CIRSR: variants seen among roughly 807,000 people sequenced by gnomAD.
CIRSR encodes CBF1 (RBPJ) interacting corepressor 1.
chr2:174,376,028 T>G, the CIRSR span, among the ~76,000 whole-genome samples: 2 of 151,940 alleles, frequency 1.3e-5, no homozygotes, highest in Admixed American at 1.3e-4. Context: ...CAGCTAGAAT[T>G]TTTTGTATTT....
chr2:174,349,970 T>C, the CIRSR span, among the ~76,000 whole-genome samples: 4 of 152,198 alleles, frequency 2.6e-5, no homozygotes, highest in Non-Finnish European at 4.4e-5. Context: ...CACATTAAAC[T>C]TCTGAAATAT....
At chr2:174,353,892 C>G in the CIRSR span, among the ~76,000 whole-genome samples, 1 of 151,880 alleles carries the variant, frequency 6.6e-6, no homozygotes, top group African/African-American at 2.4e-5. Context: ...ATTTCCTTGT[C>G]AACAATTTTA....
At chr2:174,376,801 GAAAAA>G in the CIRSR span, among the ~76,000 whole-genome samples, 1 of 106,938 alleles carries the variant, frequency 9.4e-6, no homozygotes, top group Non-Finnish European at 1.9e-5. Context: ...CTGTCTCAGG[GAAAAA>G]AAAAAAAAAA....
At chr2:174,356,919 AT>A in the CIRSR span, among the ~76,000 whole-genome samples, 47 of 152,076 alleles carry the variant, frequency 3.1e-4, 1 homozygote, top group Middle Eastern at 0.01. Flanking sequence ...TTCCAAATTT[AT>A]TTTTTTCATA....
chr2:174,374,687 G>C, the CIRSR span, among the ~76,000 whole-genome samples: 1 of 152,078 alleles, frequency 6.6e-6, no homozygotes, highest in African/African-American at 2.4e-5. Flanking sequence ...CCTGGCAGCT[G>C]TGTAGCTCCA....
the CIRSR span, chr2:174,348,344 G>T: frequency 2.5e-6 from 3 of 1,208,150 alleles, no homozygotes; most frequent in Non-Finnish European, 3.3e-6. Flanking sequence ...TACTTGAATT[G>T]ACAGTCTAGA....
the CIRSR span, chr2:174,349,019 ACTGCTTT>A: frequency 6.3e-7 from 1 of 1,598,366 alleles, no homozygotes; most frequent in Non-Finnish European, 8.5e-7. Flanking sequence ...CACTCTCACT[ACTGCTTT>A]CTGAAGTCTC....
chr2:174,348,619 G>C, the CIRSR span: 23 of 1,614,038 alleles, frequency 1.4e-5, no homozygotes, highest in Non-Finnish European at 1.7e-5. Context: ...TCTTCACCAG[G>C]ATTTCGCTGT....
At chr2:174,354,631 AAT>A in the CIRSR span, among the ~76,000 whole-genome samples, 6 of 79,380 alleles carry the variant, frequency 7.6e-5, no homozygotes, top group Admixed American at 2.2e-4. Flanking sequence ...TATATTATAT[AAT>A]ATATATTATA....
chr2:174,359,069 A>T, the CIRSR span, among the ~76,000 whole-genome samples: 1 of 152,236 alleles, frequency 6.6e-6, no homozygotes. Context: ...CATGAGCCTC[A>T]AAAACTTGTT....
chr2:174,372,475 A>G, the CIRSR span, among the ~76,000 whole-genome samples: 1 of 152,242 alleles, frequency 6.6e-6, no homozygotes, highest in African/African-American at 2.4e-5. Flanking sequence ...TATTTGACCA[A>G]AGGTTGTAAA....
At chr2:174,383,518 G>A in the CIRSR span, among the ~76,000 whole-genome samples, 8 of 151,824 alleles carry the variant, frequency 5.3e-5, no homozygotes, top group East Asian at 1.9e-4. Flanking sequence ...TCAGGAGTTC[G>A]AGACCAGCTT....
At chr2:174,368,132 T>A in the CIRSR span, among the ~76,000 whole-genome samples, 2 of 151,966 alleles carry the variant, frequency 1.3e-5, no homozygotes, top group Non-Finnish European at 2.9e-5. Flanking sequence ...TAGCTGGAGA[T>A]GTCAACACCC....
the CIRSR span, chr2:174,381,683 GA>G: frequency 6.5e-7 from 1 of 1,544,700 alleles, no homozygotes; most frequent in Non-Finnish European, 8.7e-7. Flanking sequence ...AAGAAAAAAA[GA>G]AACGGAAGAA....
At chr2:174,360,127 C>T in the CIRSR span, among the ~76,000 whole-genome samples, 12 of 152,242 alleles carry the variant, frequency 7.9e-5, no homozygotes, top group Admixed American at 2.6e-4. Context: ...AGTTAATGGG[C>T]GCAGCAAACC....
At chr2:174,365,826 A>G in the CIRSR span, among the ~76,000 whole-genome samples, 1 of 152,202 alleles carries the variant, frequency 6.6e-6, no homozygotes, top group Non-Finnish European at 1.5e-5. Flanking sequence ...ACACAGCCAA[A>G]CCATATCATA....
chr2:174,354,704 ATATATAATATAATATATAT>A, the CIRSR span, among the ~76,000 whole-genome samples: 2 of 103,274 alleles, frequency 1.9e-5, no homozygotes, highest in Non-Finnish European at 3.6e-5. Flanking sequence ...TACATATATT[ATATATAATATAATATATAT>A]TATATAATAT....
the CIRSR span, among the ~76,000 whole-genome samples, chr2:174,385,532 A>C: frequency 6.6e-6 from 1 of 152,294 alleles, no homozygotes; most frequent in East Asian, 1.9e-4. Flanking sequence ...CAATGAAAGG[A>C]ATCTGGGTGC....
At chr2:174,361,099 A>G in the CIRSR span, among the ~76,000 whole-genome samples, 1 of 152,224 alleles carries the variant, frequency 6.6e-6, no homozygotes, top group Non-Finnish European at 1.5e-5. Flanking sequence ...ACGATCAACT[A>G]TATATTATAA....
Sources: allele counts gnomAD v4.1 joint callset (sites outside exome capture counted in the v4.1 genomes callset), GRCh38; gene constraint gnomAD v4.1.1; transcripts MANE v1.5; gene names NCBI Gene and HGNC (gene_info 2026-07-23, HGNC 2026-07-21).